The following LRP1B variants were observed in gnomAD, a reference collection of about 807,000 sequenced individuals.
LRP1B encodes the protein low-density lipoprotein receptor-related protein 1B.
LRP1B carries 217 observed loss-of-function variants against 556.6 expected under a neutral mutation model. The observed-to-expected ratio is 0.39, with a 90% CI of 0.35 to 0.44. LRP1B has a LOEUF of 0.44. LRP1B is among the 20% of genes least tolerant of loss of function. The probability of loss-of-function intolerance (pLI) is 1.00; values close to 1 mark genes in which losing one functional copy is unlikely to be tolerated. For missense variants in LRP1B, 5,053 were observed against 5,620.8 expected (o/e 0.90, Z 3.23); for synonymous variants, 2,047 against 1,865.8 (o/e 1.10, Z -2.50).
chr2:140,303,684 A>C (rs879582172), intron 83 of LRP1B, among the ~76,000 whole-genome samples: 6 of 152,010 alleles, frequency 3.9e-5, no homozygotes, highest in Non-Finnish European at 8.8e-5. Context: ...TATACCTTAA[A>C]TTCTAGGGTA....
At chr2:140,418,066 C>A (rs1015198830) in intron 66 of LRP1B, among the ~76,000 whole-genome samples, 1 of 152,156 alleles carries the variant, frequency 6.6e-6, no homozygotes, top group East Asian at 1.9e-4. Flanking sequence ...GCAAAACTTG[C>A]CTAGTTGTGT....
intron 2 of LRP1B, among the ~76,000 whole-genome samples, chr2:141,702,674 C>T (rs2028131): frequency 0.36 from 54,508 of 151,440 alleles, 10,336 homozygotes; most frequent in East Asian, 0.59. Context: ...ATGTTTTAAG[C>T]ATATTTTTCC....
intron 1 of LRP1B, among the ~76,000 whole-genome samples, chr2:141,975,874 T>C (rs1701872419): frequency 6.6e-6 from 1 of 152,124 alleles, no homozygotes; most frequent in Non-Finnish European, 1.5e-5. Context: ...GGATTTTTAT[T>C]CCCTTCTCAG....
intron 77 of LRP1B, among the ~76,000 whole-genome samples, chr2:140,337,333 T>G (rs2105090034): frequency 6.6e-6 from 1 of 152,064 alleles, no homozygotes; most frequent in African/African-American, 2.4e-5. Context: ...ACCAGTGATA[T>G]CTCAGTTACC....
chr2:141,587,190 CA>C (rs2105288834), intron 2 of LRP1B, among the ~76,000 whole-genome samples: 1 of 152,136 alleles, frequency 6.6e-6, no homozygotes, highest in African/African-American at 2.4e-5. Context: ...GTCTTATCAG[CA>C]AAAAAGTATA....
intron 13 of LRP1B, among the ~76,000 whole-genome samples, chr2:141,014,850 A>G (rs941535460): frequency 6.6e-6 from 1 of 152,140 alleles, no homozygotes; most frequent in Non-Finnish European, 1.5e-5. Flanking sequence ...TGGAGAAAAT[A>G]TTTACAGTAT....
intron 2 of LRP1B, among the ~76,000 whole-genome samples, chr2:141,689,930 A>G (rs1263675442): frequency 1.3e-5 from 2 of 151,832 alleles, no homozygotes; most frequent in African/African-American, 4.8e-5. Flanking sequence ...ATAGCTGAAT[A>G]AACATAAAAT....
chr2:142,044,230 A>G (rs1704175552), intron 1 of LRP1B, among the ~76,000 whole-genome samples: 1 of 151,792 alleles, frequency 6.6e-6, no homozygotes, highest in Non-Finnish European at 1.5e-5. Flanking sequence ...TAAAGGAAAA[A>G]GGAATTAGAT....
chr2:140,807,348 T>A (rs1690754012), intron 32 of LRP1B, among the ~76,000 whole-genome samples: 1 of 152,066 alleles, frequency 6.6e-6, no homozygotes, highest in Non-Finnish European at 1.5e-5. Context: ...TTTATTTATT[T>A]ACTTTTTTTT....
chr2:141,680,289 A>G (rs114961789), intron 2 of LRP1B, among the ~76,000 whole-genome samples: 95 of 152,294 alleles, frequency 6.2e-4, no homozygotes, highest in African/African-American at 2.2e-3. Context: ...TGAAGTCAAG[A>G]AAGAAGTCAT....
intron 79 of LRP1B, among the ~76,000 whole-genome samples, chr2:140,327,959 T>C (rs1242987660): frequency 1.3e-5 from 2 of 151,668 alleles, no homozygotes; most frequent in Non-Finnish European, 3.0e-5. Context: ...GATTTTCTAT[T>C]AAGCCCTTTA....
chr2:141,653,540 T>C (rs938317020), intron 2 of LRP1B, among the ~76,000 whole-genome samples: 1 of 152,236 alleles, frequency 6.6e-6, no homozygotes, highest in Non-Finnish European at 1.5e-5. Context: ...CAGTTAGATG[T>C]ATCAATTCTT....
intron 3 of LRP1B, among the ~76,000 whole-genome samples, chr2:141,315,904 T>C (rs1270729387): frequency 7.0e-6 from 1 of 143,740 alleles, no homozygotes; most frequent in African/African-American, 2.6e-5. Context: ...TTTTTTTTTT[T>C]TTTTTTTTTT....
At chr2:141,892,252 G>T (rs1279077439) in intron 1 of LRP1B, among the ~76,000 whole-genome samples, 1 of 151,634 alleles carries the variant, frequency 6.6e-6, no homozygotes, top group Non-Finnish European at 1.5e-5. Context: ...TTTAATAAAG[G>T]TTAAATATAT....
intron 1 of LRP1B, among the ~76,000 whole-genome samples, chr2:141,856,141 A>G (rs1698043263): frequency 6.6e-6 from 1 of 152,162 alleles, no homozygotes; most frequent in African/African-American, 2.4e-5. Context: ...TTTTCATTTT[A>G]TGCAACCTTC....
intron 83 of LRP1B, among the ~76,000 whole-genome samples, chr2:140,309,495 A>G (rs1201543649): frequency 6.6e-6 from 1 of 151,770 alleles, no homozygotes; most frequent in Non-Finnish European, 1.5e-5. Flanking sequence ...ATATGGTCCA[A>G]TCGAATCACT....
At chr2:141,193,414 A>T (rs1267984824) in intron 6 of LRP1B, among the ~76,000 whole-genome samples, 1 of 152,068 alleles carries the variant, frequency 6.6e-6, no homozygotes, top group East Asian at 1.9e-4. Flanking sequence ...ATGCAGCAAT[A>T]AAAAGGAATG....
chr2:140,906,969 T>C (rs946652391), intron 22 of LRP1B, among the ~76,000 whole-genome samples: 1 of 110,882 alleles, frequency 9.0e-6, no homozygotes, highest in Admixed American at 9.0e-5. Context: ...TTACCACATA[T>C]GGTAAAAAAA....
chr2:141,166,080 T>C (rs1292508033), intron 7 of LRP1B, among the ~76,000 whole-genome samples: 1 of 151,964 alleles, frequency 6.6e-6, no homozygotes. Flanking sequence ...TACTTTTGCT[T>C]CCTTACCCCA....
Sources: gnomAD v4.1 joint callset for allele counts (sites outside exome capture counted in the v4.1 genomes callset) on GRCh38, gnomAD v4.1.1 for gene constraint, MANE v1.5 for transcripts, NCBI Gene and HGNC (gene_info 2026-07-23, HGNC 2026-07-21) for gene names.